Variants in CACHD1 observed in about 807,000 individuals in gnomAD.
CACHD1 encodes the protein cache domain containing 1, also known as VWFA and cache domain-containing protein 1.
CACHD1 carries 71 observed loss-of-function variants against 138.7 expected under a neutral mutation model. The ratio of observed to expected loss-of-function variants is 0.51; its 90% CI spans 0.42 to 0.62. The LOEUF (loss-of-function observed/expected upper bound fraction) is 0.62, where lower values mean the gene tolerates loss of function less well. CACHD1 is among the 20% of genes least tolerant of loss of function. The pLI is 0.00. For missense variants in CACHD1, 1,389 were observed against 1,625.3 expected, an observed-to-expected ratio of 0.85 and a Z score of 2.50; for synonymous variants, 578 against 591.5, an observed-to-expected ratio of 0.98 and a Z score of 0.33.
intron 17 of CACHD1, 81 bp downstream of exon 17, chr1:64,671,767 G>A (rs986227505): frequency 3.1e-5 from 48 of 1,524,136 alleles, no homozygotes; most frequent in East Asian, 2.3e-4. Context: ...AATGGGAACC[G>A]CATAGTTATG....
chr1:64,505,547 C>T (rs1260131474), intron 1 of CACHD1, among the ~76,000 whole-genome samples: 4 of 144,636 alleles, frequency 2.8e-5, no homozygotes, highest in Admixed American at 2.8e-4. Flanking sequence ...GGCCGCGCCC[C>T]GCCCCGCCCC....
chr1:64,678,365 T>A, intron 23 of CACHD1, 55 bp downstream of exon 23: 1 of 1,470,294 alleles, frequency 6.8e-7, no homozygotes. Flanking sequence ...ATTTCCTGCC[T>A]ATATGCTAGG....
At chr1:64,676,830 C>CCAGG in intron 21 of CACHD1, 65 bp from the exon 22 acceptor site, 2 of 1,305,628 alleles carry the variant, frequency 1.5e-6, no homozygotes, top group Non-Finnish European at 1.1e-6. Flanking sequence ...CTGTTAAGGA[C>CCAGG]CAGGAGCATG....
Position 64,642,912 on chromosome 1 carries a change from G to A in CACHD1, c.1156+943G>A, listed in dbSNP as rs1035609807. ...AAATTAGCTGGGCGTGGTGGTGTGC[G>A]CCTGTAGTCCCAGCTACTCGGGAGG... On this transcript the variant is annotated intron_variant, in intron 8 of 26. Transcript: ENST00000651257. Among the ~76,000 whole-genome samples, 9 of 151,336 alleles carry A rather than the reference G, an allele frequency of 5.9e-5. No individual in the cohort carries two copies. In the South Asian group the frequency reaches 8.5e-4, roughly 14 times the overall value.
rs2100758948 is a variant in CACHD1 at position 64,692,444 on chromosome 1, C to G, written c.*883C>G. 6.6e-6 allele frequency: 1 copy of G among 152,262 alleles called. No individual in the cohort carries two copies. The highest frequency in any genetic ancestry group is 1.5e-5 in the Non-Finnish European group (1 of 68,020). The allele number at this position is 152,262 out of a possible 1,614,324, so 9.4% of individuals were successfully genotyped here. On this transcript the variant is annotated 3_prime_UTR_variant, in exon 27 of 27. Coordinates refer to ENST00000651257, the MANE Select transcript of CACHD1 (RefSeq NM_020925.4). ...ATGTTTCTTATGACTTGTTTCCACT[C>G]CTCGTACAATGCTATTCTTAGGTTT...
intron 7 of CACHD1, among the ~76,000 whole-genome samples, chr1:64,637,039 A>G (rs1330124666): frequency 1.3e-5 from 2 of 152,190 alleles, no homozygotes; most frequent in Non-Finnish European, 2.9e-5. Context: ...CCCTTGGTTC[A>G]GTAAGGTCAG....
intron 6 of CACHD1, 26 bp from the exon 7 acceptor site, chr1:64,634,018 G>T (rs866835503): frequency 0.011 from 13,130 of 1,198,712 alleles, 68 homozygotes; most frequent in Admixed American, 0.016. Context: ...AAGTTTGGTG[G>T]TTTTTTTTTT....
chr1:64,611,275 T>C (rs1444483554), intron 4 of CACHD1, among the ~76,000 whole-genome samples: 1 of 152,218 alleles, frequency 6.6e-6, no homozygotes, highest in African/African-American at 2.4e-5. Flanking sequence ...ATTCGGCTCC[T>C]TGTTACTTAG....
chr1:64,511,911 G>A (rs1372263315), intron 1 of CACHD1, among the ~76,000 whole-genome samples: 1 of 152,192 alleles, frequency 6.6e-6, no homozygotes, highest in East Asian at 1.9e-4. Flanking sequence ...CCATCTCACA[G>A]TGTTGATTTG....
intron 3 of CACHD1, among the ~76,000 whole-genome samples, chr1:64,593,072 A>T (rs1037928019): frequency 6.6e-6 from 1 of 152,214 alleles, no homozygotes; most frequent in Non-Finnish European, 1.5e-5. Context: ...TTTTAGGAGA[A>T]AAATGATGGA....
At chr1:64,638,698 T>TAG (rs1410088629) in intron 7 of CACHD1, among the ~76,000 whole-genome samples, 2 of 152,174 alleles carry the variant, frequency 1.3e-5, no homozygotes, top group African/African-American at 4.8e-5. Flanking sequence ...TGGTGGCTTA[T>TAG]AGAGAGACTC....
chr1:64,684,815 G>T (rs1229730403), intron 26 of CACHD1, among the ~76,000 whole-genome samples: 4 of 151,770 alleles, frequency 2.6e-5, no homozygotes, highest in African/African-American at 9.7e-5. Flanking sequence ...TTTGTTTTTT[G>T]TTTTTTGTTT....
intron 2 of CACHD1, among the ~76,000 whole-genome samples, chr1:64,571,075 C>T (rs1040473668): frequency 1.3e-5 from 2 of 152,202 alleles, no homozygotes; most frequent in East Asian, 3.9e-4. Context: ...GATATTAGCG[C>T]ATTACAACTG....
At chr1:64,510,576 T>C (rs1646413019) in intron 1 of CACHD1, among the ~76,000 whole-genome samples, 1 of 152,244 alleles carries the variant, frequency 6.6e-6, no homozygotes, top group African/African-American at 2.4e-5. Context: ...TGTTCTCAAC[T>C]ACCTAACCAC....
intron 1 of CACHD1, among the ~76,000 whole-genome samples, chr1:64,489,714 GT>G (rs1281759096): frequency 6.6e-6 from 1 of 152,130 alleles, no homozygotes; most frequent in Non-Finnish European, 1.5e-5. Flanking sequence ...CTCAGGAAGT[GT>G]TTGCTTTTTC....
chr1:64,546,618 G>A (rs1646720328), intron 1 of CACHD1, among the ~76,000 whole-genome samples: 1 of 152,094 alleles, frequency 6.6e-6, no homozygotes, highest in Non-Finnish European at 1.5e-5. Context: ...TACAGCATGA[G>A]CCACCACTCC....
intron 1 of CACHD1, among the ~76,000 whole-genome samples, chr1:64,537,731 A>T (rs1646644889): frequency 6.6e-6 from 1 of 152,190 alleles, no homozygotes; most frequent in Non-Finnish European, 1.5e-5. Context: ...AAGGATTTTT[A>T]AAAAGTTACT....
chr1:64,576,604 G>A (rs1166090189), intron 2 of CACHD1, among the ~76,000 whole-genome samples: 6 of 152,176 alleles, frequency 3.9e-5, no homozygotes, highest in African/African-American at 9.7e-5. Flanking sequence ...GCAGTGAGGT[G>A]GAGGGAGGCA....
At chr1:64,590,934 T>C (rs1359858388) in intron 3 of CACHD1, among the ~76,000 whole-genome samples, 1 of 152,226 alleles carries the variant, frequency 6.6e-6, no homozygotes, top group African/African-American at 2.4e-5. Context: ...TTTCCTCAAC[T>C]GTAAAATGAG....
Sources: allele counts gnomAD v4.1 joint callset (sites outside exome capture counted in the v4.1 genomes callset), GRCh38; gene constraint gnomAD v4.1.1; transcripts MANE v1.5; gene names NCBI Gene and HGNC (gene_info 2026-07-23, HGNC 2026-07-21).